SYCP2L: variants seen among roughly 807,000 people sequenced by gnomAD.
SYCP2L encodes the protein synaptonemal complex protein 2 like, also known as synaptonemal complex protein 2-like.
Under a neutral mutation model 125.8 loss-of-function variants are expected in SYCP2L, and 98 were observed. The ratio of observed to expected loss-of-function variants is 0.78; its 90% CI spans 0.66 to 0.92. SYCP2L has a LOEUF of 0.92. Among genes scored for constraint, SYCP2L ranks in the 40% least tolerant of loss-of-function variants. SYCP2L has a pLI of 0.00. For synonymous variants in SYCP2L, 317 were observed against 325.4 expected, an observed-to-expected ratio of 0.97 and a Z score of 0.28; for missense variants, 842 against 936.4, an observed-to-expected ratio of 0.90 and a Z score of 1.32.
chr6:10,900,312 G>GT, intron 6 of SYCP2L, among the ~76,000 whole-genome samples: 1 of 144,926 alleles, frequency 6.9e-6, no homozygotes, highest in East Asian at 1.9e-4. Flanking sequence ...TGGCTACAAA[G>GT]TGGACAGAGA....
At chr6:10,967,452 AGGGTGT>A (rs1277846154) in intron 29 of SYCP2L, among the ~76,000 whole-genome samples, 4 of 68,858 alleles carry the variant, frequency 5.8e-5, no homozygotes, top group African/African-American at 2.1e-4. Flanking sequence ...TATGGGGTAG[AGGGTGT>A]GTGTGTGTGT....
chr6:10,960,180 G>A (rs150158586), intron 26 of SYCP2L, among the ~76,000 whole-genome samples: 2 of 152,264 alleles, frequency 1.3e-5, no homozygotes, highest in African/African-American at 4.8e-5. Flanking sequence ...ATGAAGGAAG[G>A]GAAGAAAGGA....
chr6:10,973,406 G>A (rs184275430), intron 29 of SYCP2L, among the ~76,000 whole-genome samples: 33 of 152,256 alleles, frequency 2.2e-4, no homozygotes, highest in Admixed American at 5.2e-4. Context: ...GATGTTGCAC[G>A]CCTGTAATTC....
chr6:10,966,094 CAG>C, intron 29 of SYCP2L, among the ~76,000 whole-genome samples: 1 of 151,766 alleles, frequency 6.6e-6, no homozygotes, highest in South Asian at 2.1e-4. Flanking sequence ...GCCTGGGCAA[CAG>C]AGCAATACTC....
At chr6:10,935,733 G>C (rs1438804167) in intron 21 of SYCP2L, among the ~76,000 whole-genome samples, 1 of 152,070 alleles carries the variant, frequency 6.6e-6, no homozygotes, top group Admixed American at 6.6e-5. Flanking sequence ...GACCTCAAGT[G>C]ATCTGCCCAC....
intron 11 of SYCP2L, 58 bp from the exon 12 acceptor site, chr6:10,910,766 G>GTAGATGTGT: frequency 1.3e-6 from 2 of 1,570,040 alleles, no homozygotes; most frequent in Non-Finnish European, 1.8e-6. Context: ...CGGAACGTCT[G>GTAGATGTGT]TAGATGTGTT....
chr6:10,912,710 G>A lies in SYCP2L; in HGVS notation c.956G>A (p.Trp319Ter), dbSNP rs1191144962. Residue 319 changes from tryptophan to a stop codon, truncating the protein, a stop_gained, in exon 13 of 30, where the codon TGG (tryptophan) becomes TAG (stop). Coordinates refer to ENST00000283141, the MANE Select transcript of SYCP2L (RefSeq NM_001040274.3). LOFTEE classifies it high-confidence loss of function. The surrounding 1 kb of genome is among the most constrained non-coding windows in gnomAD (Gnocchi z 4.1). ...KPADEKLEKF[W>*]IDFNLGSQSV... ...GCGGATGAAAAATTAGAGAAATTTT[G>A]GATCGACTTCAACCTAGGAAGTCAG... 3 of 1,613,504 alleles carry A rather than the reference G, an allele frequency of 1.9e-6. No homozygotes were observed. The highest frequency in any genetic ancestry group is 2.5e-6 in the Non-Finnish European group (3 of 1,179,922).
At chr6:10,929,627 T>A (rs1455836669) in intron 18 of SYCP2L, among the ~76,000 whole-genome samples, 7 of 152,192 alleles carry the variant, frequency 4.6e-5, no homozygotes, top group East Asian at 1.9e-4. Context: ...AAATGCTTTA[T>A]GTTTTAAACA....
At chr6:10,908,574 G>A (rs1276431367) in intron 10 of SYCP2L, among the ~76,000 whole-genome samples, 1 of 152,080 alleles carries the variant, frequency 6.6e-6, no homozygotes, top group African/African-American at 2.4e-5. Flanking sequence ...CTTTTAAAAA[G>A]TTTTTAAAAT....
At position 10,963,702 on chromosome 6, in the gene SYCP2L, T is replaced by C. The variant is rs1014848179; in HGVS notation, c.2415-80T>C. On this transcript the variant is annotated intron_variant, in intron 28 of 29. Transcript: ENST00000283141. ...AATGGTCTGTGAAATAACTCTGATATGCAGATGTATCTAGATGTATGTTCT... is the reference window on the plus strand; with the variant it reads ...AATGGTCTGTGAAATAACTCTGATACGCAGATGTATCTAGATGTATGTTCT... The C allele has an allele frequency of 5.0e-6, 7 of 1,389,706 alleles. No homozygotes were observed. The African/African-American group carries it at 7.1e-5, about 14-fold the overall frequency. The allele number at this position is 1,389,706 out of a possible 1,614,324, so 86.1% of individuals were successfully genotyped here. A position where few individuals can be genotyped will look rare whatever the true frequency, so the allele number is the denominator to read the frequency against.
Position 10,912,818 on chromosome 6 carries a change from G to C in SYCP2L, c.1012-49G>C. 6.2e-7 allele frequency: 1 copy of C among 1,607,614 alleles called. No homozygotes were observed. Among genetic ancestry groups the C allele is most frequent in the Non-Finnish European group, 8.5e-7 (1 of 1,174,852 alleles). ...CTAAGCCTTTAGAGATCTTTTTTAT[G>C]TAAGTATGTGTTTTGCACTCATGAA... On this transcript the variant is annotated intron_variant, in intron 13 of 29. Transcript: ENST00000283141. The surrounding 1 kb of genome is among the most constrained non-coding windows in gnomAD (Gnocchi z 4.1).
chr6:10,891,423 T>A (rs1406350183), intron 1 of SYCP2L, 90 bp from the exon 2 acceptor site: 2 of 586,808 alleles, frequency 3.4e-6, no homozygotes, highest in Admixed American at 4.4e-5. Flanking sequence ...CTTTAATTTT[T>A]TTTTTTTTTT....
intron 21 of SYCP2L, 134 bp downstream of exon 21, chr6:10,935,321 C>T (rs949990668): frequency 1.1e-5 from 10 of 917,770 alleles, no homozygotes; most frequent in Non-Finnish European, 1.5e-5. Flanking sequence ...ACCTTAATGT[C>T]TCTTATTAGC....
At chr6:10,890,489 T>A (rs1287103331) in intron 1 of SYCP2L, among the ~76,000 whole-genome samples, 1 of 152,222 alleles carries the variant, frequency 6.6e-6, no homozygotes, top group Non-Finnish European at 1.5e-5. Flanking sequence ...GTCATTTGTA[T>A]GTCTTCTTTG....
At chr6:10,960,814 G>A (rs1475609781) in intron 26 of SYCP2L, among the ~76,000 whole-genome samples, 2 of 152,124 alleles carry the variant, frequency 1.3e-5, no homozygotes, top group East Asian at 3.9e-4. Context: ...GGTGGCTCAC[G>A]CCTGTAATCC....
At position 10,956,198 on chromosome 6, in the gene SYCP2L, C is replaced by T; in HGVS notation, c.2119C>T (p.Pro707Ser). 1 of 1,613,890 alleles carries T rather than the reference C, an allele frequency of 6.2e-7. No individual in the cohort carries two copies. Among genetic ancestry groups the T allele is most frequent in the Middle Eastern group, 1.7e-4 (1 of 6,060 alleles). The change falls in exon 25 of 30, where the codon CCA (proline) becomes TCA (serine). Residue 707 changes from proline to serine, a missense_variant. Transcript: ENST00000283141. ...GAACTTGAACGGTTCTGCCATTCTC[C>T]CAACCTTTGAAAACTTCACTAAAAA... ...PENLNGSAIL[P>S]TFENFTKKRK... is the part of the protein sequence containing the mutation.
rs750123526 is a variant in SYCP2L, at chr6:10,907,684, G to A, written c.819G>A (p.Thr273=). Residue 273 remains threonine (T), a splice_region_variant and synonymous_variant, in exon 10 of 30, where the codon ACG becomes ACA. Coordinates refer to ENST00000283141, the MANE Select transcript of SYCP2L (RefSeq NM_001040274.3). ...FKEIKDREFE[T]DSRRFLNHLN... ...AAATTAAGGATCGAGAATTTGAGAC[G>A]GTGAGATTCCTGGCCATGCGAATTT... The A allele has an allele frequency of 7.4e-6, 12 of 1,611,678 alleles. No individual in the cohort carries two copies. Among genetic ancestry groups the A allele is most frequent in the Admixed American group, 1.7e-5 (1 of 59,354 alleles).
chr6:10,907,705 A>G, intron 10 of SYCP2L, 21 bp downstream of exon 10: 1 of 1,609,466 alleles, frequency 6.2e-7, no homozygotes, highest in Non-Finnish European at 8.5e-7. Flanking sequence ...TGGCCATGCG[A>G]ATTTCTTATT....
At chr6:10,906,215 C>T (rs1780485718) in intron 9 of SYCP2L, among the ~76,000 whole-genome samples, 161 bp downstream of exon 9, 1 of 151,994 alleles carries the variant, frequency 6.6e-6, no homozygotes, top group South Asian at 2.1e-4. Flanking sequence ...ATGCTGGAAA[C>T]TGTAAAGAAT....
Sources: gnomAD v4.1 joint callset for allele counts (sites outside exome capture counted in the v4.1 genomes callset) on GRCh38, gnomAD v4.1.1 for gene constraint, Gnocchi (gnomAD v3.1) non-coding constraint, MANE v1.5 for transcripts, NCBI Gene and HGNC (gene_info 2026-07-23, HGNC 2026-07-21) for gene names.